GPC6: variants seen among roughly 807,000 people sequenced by gnomAD.
GPC6 encodes glypican 6, also known as glypican-6.
A neutral mutation model predicts 55.2 loss-of-function variants in GPC6; 14 were observed. That is an observed-to-expected ratio of 0.25 (90% CI 0.17 to 0.40). The LOEUF is 0.40. Among genes scored for constraint, GPC6 ranks in the 10% least tolerant of loss-of-function variants. The probability of loss-of-function intolerance (pLI) is 1.00; values close to 1 mark genes in which losing one functional copy is unlikely to be tolerated. For missense variants in GPC6, 641 were observed against 708.5 expected (o/e 0.90, Z 1.08); for synonymous variants, 278 against 259.6 (o/e 1.07, Z -0.68).
intron 3 of GPC6, among the ~76,000 whole-genome samples, chr13:93,874,554 A>G (rs2140304313): frequency 6.7e-6 from 1 of 150,168 alleles, no homozygotes; most frequent in African/African-American, 2.4e-5. Context: ...AGGGCTTCTC[A>G]TTGCAAATAG....
intron 1 of GPC6, among the ~76,000 whole-genome samples, chr13:93,481,111 C>T (rs954795082): frequency 5.3e-5 from 8 of 152,126 alleles, no homozygotes; most frequent in African/African-American, 1.9e-4. Context: ...TGCTATTTGT[C>T]CCTTTGATTA....
chr13:94,180,115 G>C (rs1352778936), intron 4 of GPC6, among the ~76,000 whole-genome samples: 2 of 152,150 alleles, frequency 1.3e-5, no homozygotes, highest in Admixed American at 6.6e-5. Flanking sequence ...AAAGGGAGTA[G>C]AGAGGGTACA....
In GPC6 at chr13:94,256,762, C is replaced by G. The variant is rs548942374; in HGVS notation, c.878-29587C>G. 2.0e-4 allele frequency among the ~76,000 whole-genome samples: 30 copies of G among 152,266 alleles called. No homozygotes were observed. In the South Asian group the frequency reaches 5.4e-3, roughly 27 times the overall value. Reference sequence around the variant, plus strand: ...GGCTGTGCAATCCTAATTCCCATCTCCTCCCCAAATCCTTCCAGAGACAGA... The same window carrying G: ...GGCTGTGCAATCCTAATTCCCATCTGCTCCCCAAATCCTTCCAGAGACAGA... On this transcript the variant is annotated intron_variant, in intron 4 of 8. Transcript: ENST00000377047.
intron 4 of GPC6, among the ~76,000 whole-genome samples, chr13:94,282,759 A>G (rs953969995): frequency 6.6e-6 from 1 of 152,210 alleles, no homozygotes; most frequent in Non-Finnish European, 1.5e-5. Context: ...CCTCTCCAAC[A>G]CTGTGATCTC....
At chr13:93,946,414 G>A (rs1296662349) in intron 3 of GPC6, among the ~76,000 whole-genome samples, 1 of 152,052 alleles carries the variant, frequency 6.6e-6, no homozygotes, top group East Asian at 1.9e-4. Flanking sequence ...TTACAGACAT[G>A]AGCCACCGCT....
chr13:93,355,192 G>A (rs1880802676), intron 1 of GPC6, among the ~76,000 whole-genome samples: 1 of 152,062 alleles, frequency 6.6e-6, no homozygotes, highest in Non-Finnish European at 1.5e-5. Flanking sequence ...TATAATTTGA[G>A]TTGACTTAAG....
intron 4 of GPC6, among the ~76,000 whole-genome samples, chr13:94,085,940 AC>A (rs1885266383): frequency 6.6e-6 from 1 of 152,148 alleles, no homozygotes; most frequent in Admixed American, 6.5e-5. Flanking sequence ...TTACTCCTTA[AC>A]TCTCAAAGAG....
intron 3 of GPC6, among the ~76,000 whole-genome samples, chr13:93,864,467 G>A (rs188860292): frequency 1.6e-4 from 25 of 151,634 alleles, no homozygotes; most frequent in East Asian, 7.8e-4. Context: ...CCTGGTACCC[G>A]CCTTGTGTCA....
At chr13:94,002,839 A>G (rs1881864788) in intron 3 of GPC6, among the ~76,000 whole-genome samples, 1 of 152,204 alleles carries the variant, frequency 6.6e-6, no homozygotes, top group African/African-American at 2.4e-5. Context: ...AATTGAGTTG[A>G]AAATATCCTA....
chr13:93,297,851 C>T (rs1223787404), intron 1 of GPC6, among the ~76,000 whole-genome samples: 3 of 152,064 alleles, frequency 2.0e-5, no homozygotes, highest in East Asian at 1.9e-4. Context: ...GAAGAAAATG[C>T]GATGGGACAT....
At chr13:93,542,383 ATC>A (rs1464147421) in intron 1 of GPC6, among the ~76,000 whole-genome samples, 7 of 152,044 alleles carry the variant, frequency 4.6e-5, no homozygotes, top group Admixed American at 1.3e-4. Flanking sequence ...ATTGATCTAT[ATC>A]TCTGTTTTGG....
chr13:93,914,610 C>T (rs1016695023), intron 3 of GPC6, among the ~76,000 whole-genome samples: 2 of 152,110 alleles, frequency 1.3e-5, no homozygotes, highest in Admixed American at 6.6e-5. Context: ...AAGCACTGAC[C>T]TCTGTGTTAT....
chr13:93,478,297 AAAT>A (rs1401279596), intron 1 of GPC6, among the ~76,000 whole-genome samples: 2 of 152,146 alleles, frequency 1.3e-5, no homozygotes, highest in African/African-American at 4.8e-5. Context: ...TCTTTAGGCC[AAAT>A]AATGCCTAAA....
chr13:93,554,413 A>G lies in GPC6; in HGVS notation c.319+8992A>G, dbSNP rs114644629. Among the ~76,000 whole-genome samples the G allele has an allele frequency of 9.6e-3, 1,457 of 152,250 alleles. 27 individuals are homozygous for G. The highest frequency in any genetic ancestry group is 0.034 in the African/African-American group (1,393 of 41,534). On this transcript the variant is annotated intron_variant, in intron 2 of 8. Coordinates refer to ENST00000377047, the MANE Select transcript of GPC6 (RefSeq NM_005708.5). Reference sequence around the variant, plus strand: ...TTATTGCGCTGGAAATGACATCTCTAATCTATCCACATGAACAGGCCTGTT... The same window carrying G: ...TTATTGCGCTGGAAATGACATCTCTGATCTATCCACATGAACAGGCCTGTT...
intron 1 of GPC6, among the ~76,000 whole-genome samples, chr13:93,364,754 A>ATG (rs1881181158): frequency 1.3e-5 from 2 of 151,620 alleles, no homozygotes; most frequent in South Asian, 4.2e-4. Flanking sequence ...TTTTATATAT[A>ATG]TGTATATCTC....
chr13:93,416,865 C>G (rs1876720178), intron 1 of GPC6, among the ~76,000 whole-genome samples: 1 of 152,096 alleles, frequency 6.6e-6, no homozygotes, highest in African/African-American at 2.4e-5. Context: ...AGAGGCTTGA[C>G]AGCTAATAAA....
At chr13:94,341,657 G>T (rs948368486) in intron 6 of GPC6, among the ~76,000 whole-genome samples, 2 of 151,698 alleles carry the variant, frequency 1.3e-5, no homozygotes, top group Non-Finnish European at 2.9e-5. Context: ...ATTTTTATTG[G>T]ATTTGGTCTA....
intron 1 of GPC6, among the ~76,000 whole-genome samples, chr13:93,430,311 C>A (rs1877308491): frequency 6.8e-6 from 1 of 146,526 alleles, no homozygotes; most frequent in African/African-American, 2.5e-5. Flanking sequence ...TCCTTTTTAT[C>A]TTTAACATTA....
At chr13:93,343,689 C>G (rs1432016398) in intron 1 of GPC6, among the ~76,000 whole-genome samples, 1 of 152,170 alleles carries the variant, frequency 6.6e-6, no homozygotes, top group Non-Finnish European at 1.5e-5. Context: ...ATAGAATTGT[C>G]ATTCCTTAGT....
Sources: allele counts gnomAD v4.1 joint callset (sites outside exome capture counted in the v4.1 genomes callset), GRCh38; gene constraint gnomAD v4.1.1; transcripts MANE v1.5; gene names NCBI Gene and HGNC (gene_info 2026-07-23, HGNC 2026-07-21).